The following ADORA2B variants were observed in gnomAD, a reference collection of about 807,000 sequenced individuals.
ADORA2B encodes the protein adenosine receptor A2b.
A neutral mutation model predicts 20.8 loss-of-function variants in ADORA2B; 18 were observed. The ratio of observed to expected loss-of-function variants is 0.87; its 90% CI spans 0.60 to 1.29. The LOEUF (loss-of-function observed/expected upper bound fraction) is 1.29, where lower values mean the gene tolerates loss of function less well. Among genes scored for constraint, ADORA2B ranks in the 50% most tolerant of loss-of-function variants. ADORA2B has a pLI of 0.00. For synonymous variants in ADORA2B, 179 were observed against 178.3 expected, an observed-to-expected ratio of 1.00 and a Z score of -0.03; for missense variants, 441 against 422.7, an observed-to-expected ratio of 1.04 and a Z score of -0.38.
chr17:15,905,649 A>T, the ADORA2B span, among the ~76,000 whole-genome samples: 1 of 147,756 alleles, frequency 6.8e-6, no homozygotes, highest in Admixed American at 6.8e-5. Context: ...TAAATGAGCT[A>T]CTGCACCCAG....
the ADORA2B span, among the ~76,000 whole-genome samples, chr17:15,883,918 G>A: frequency 2.0e-5 from 3 of 152,210 alleles, no homozygotes; most frequent in Admixed American, 6.5e-5. Context: ...AAAGCTAGCA[G>A]TGATGAAATA....
chr17:15,941,816 T>A (rs564930025), upstream of ADORA2B, among the ~76,000 whole-genome samples: 1 of 151,648 alleles, frequency 6.6e-6, no homozygotes, highest in South Asian at 2.1e-4. Flanking sequence ...AACCTGTTAA[T>A]AATAATTATT....
At chr17:15,930,682 G>T in the ADORA2B span, among the ~76,000 whole-genome samples, 3 of 152,196 alleles carry the variant, frequency 2.0e-5, no homozygotes, top group African/African-American at 7.2e-5. Context: ...TGCATCGGGT[G>T]GAGCAGAGCA....
At chr17:15,972,961 A>G (rs1276858403) in intron 1 of ADORA2B, among the ~76,000 whole-genome samples, 10 of 152,112 alleles carry the variant, frequency 6.6e-5, no homozygotes, top group Non-Finnish European at 5.9e-5. Context: ...GAGTTTCACC[A>G]TGTTGCCCAG....
At chr17:15,957,605 G>C (rs1969984283) in intron 1 of ADORA2B, among the ~76,000 whole-genome samples, 1 of 152,128 alleles carries the variant, frequency 6.6e-6, no homozygotes, top group African/African-American at 2.4e-5. Context: ...GTGTTGCCTA[G>C]GTTGTGTTTA....
chr17:15,911,980 A>G, the ADORA2B span, among the ~76,000 whole-genome samples: 1 of 152,194 alleles, frequency 6.6e-6, no homozygotes, highest in Admixed American at 6.5e-5. Flanking sequence ...TGGGAGGCCA[A>G]CGCGGGTGGA....
chr17:15,858,890 G>A, the ADORA2B span: 1 of 152,240 alleles, frequency 6.6e-6, no homozygotes, highest in Non-Finnish European at 1.5e-5. Context: ...GACGTGTCAT[G>A]GACGTTAGAT....
At chr17:15,952,717 T>C (rs775893626) in intron 1 of ADORA2B, among the ~76,000 whole-genome samples, 5 of 152,186 alleles carry the variant, frequency 3.3e-5, no homozygotes, top group Non-Finnish European at 7.3e-5. Context: ...GTGAATGGAA[T>C]CTCACAGCAT....
At chr17:15,858,672 ACCTGTGTTGGTG>A in the ADORA2B span, 59 of 152,908 alleles carry the variant, frequency 3.9e-4, no homozygotes, top group African/African-American at 1.4e-3. Context: ...ACACACACGC[ACCTGTGTTGGTG>A]CTGTTCTTGA....
chr17:15,935,598 C>A, the ADORA2B span, among the ~76,000 whole-genome samples: 1 of 151,958 alleles, frequency 6.6e-6, no homozygotes, highest in African/African-American at 2.4e-5. Flanking sequence ...TTTTTTTCAT[C>A]AAATTTGGGA....
At chr17:15,954,800 T>A (rs1400821538) in intron 1 of ADORA2B, among the ~76,000 whole-genome samples, 1 of 152,102 alleles carries the variant, frequency 6.6e-6, no homozygotes, top group Non-Finnish European at 1.5e-5. Flanking sequence ...ATATGATTGG[T>A]TGGTTGATAG....
chr17:15,945,399 G>T lies in ADORA2B; in HGVS notation c.151G>T (p.Ala51Ser). The change falls in exon 1 of 2, where the codon GCG (alanine) becomes TCG (serine). Residue 51 changes from alanine (A) to serine (S), a missense_variant. By Grantham distance (99) the Ala-to-Ser change is moderately conservative. Transcript: ENST00000304222. ...CAACTACTTCCTGGTGTCCCTGGCT[G>T]CGGCCGACGTGGCCGTGGGGCTCTT... The part of the protein sequence containing the change: ...PTNYFLVSLA[A>S]ADVAVGLFAI... 6.2e-7 allele frequency: 1 copy of T among 1,613,434 alleles called. No homozygotes were observed.
At chr17:15,892,356 C>T in the ADORA2B span, among the ~76,000 whole-genome samples, 1 of 152,046 alleles carries the variant, frequency 6.6e-6, no homozygotes, top group Non-Finnish European at 1.5e-5. Flanking sequence ...TTAATAGAGA[C>T]AGGGTTTTTG....
the ADORA2B span, among the ~76,000 whole-genome samples, chr17:15,905,958 T>C: frequency 6.6e-6 from 1 of 152,204 alleles, no homozygotes; most frequent in Non-Finnish European, 1.5e-5. Context: ...CCGGCCACAA[T>C]TGAATTTTGT....
At chr17:15,900,379 G>C in the ADORA2B span, among the ~76,000 whole-genome samples, 6 of 152,026 alleles carry the variant, frequency 3.9e-5, no homozygotes, top group African/African-American at 1.4e-4. Context: ...CCACCAACAG[G>C]GTATAAGCAT....
chr17:15,970,847 G>A (rs1393413751), intron 1 of ADORA2B, among the ~76,000 whole-genome samples: 2 of 152,124 alleles, frequency 1.3e-5, no homozygotes, highest in African/African-American at 2.4e-5. Context: ...TGTCCCTTAT[G>A]GTCACAGTGT....
chr17:15,954,656 C>T (rs561631254), intron 1 of ADORA2B, among the ~76,000 whole-genome samples: 27 of 152,268 alleles, frequency 1.8e-4, no homozygotes, highest in South Asian at 1.2e-3. Context: ...AATCCCAGCC[C>T]TTTGGGAGGC....
At chr17:15,903,458 A>G in the ADORA2B span, among the ~76,000 whole-genome samples, 1 of 152,220 alleles carries the variant, frequency 6.6e-6, no homozygotes, top group Non-Finnish European at 1.5e-5. Context: ...TTTTACTTAG[A>G]AAGGCCTACT....
At chr17:15,900,738 C>T in the ADORA2B span, among the ~76,000 whole-genome samples, 1 of 152,196 alleles carries the variant, frequency 6.6e-6, no homozygotes, top group African/African-American at 2.4e-5. Context: ...GTGTGAGCCA[C>T]CGTGCCCAGC....
Sources: gnomAD v4.1 joint callset for allele counts (sites outside exome capture counted in the v4.1 genomes callset) on GRCh38, gnomAD v4.1.1 for gene constraint, MANE v1.5 for transcripts, NCBI Gene and HGNC (gene_info 2026-07-23, HGNC 2026-07-21) for gene names.